The following OTOA variants were observed in gnomAD, a reference collection of about 807,000 sequenced individuals.
The protein encoded by OTOA is cancer/testis antigen 108.
OTOA carries 70 observed loss-of-function variants against 110.8 expected under a neutral mutation model. That is an observed-to-expected ratio of 0.63 (90% CI 0.52 to 0.77). The LOEUF is 0.77. Ranked by LOEUF, OTOA falls within the 30% of genes least tolerant of loss-of-function variation. The pLI is 0.00. For synonymous variants in OTOA, 373 were observed against 431.5 expected (o/e 0.86, Z 1.68); for missense variants, 917 against 1,075.8 (o/e 0.85, Z 2.06).
At chr16:21,679,919 C>T (rs1003604395) in intron 5 of OTOA, among the ~76,000 whole-genome samples, 9 of 152,118 alleles carry the variant, frequency 5.9e-5, no homozygotes, top group African/African-American at 1.4e-4. Flanking sequence ...ATTCCCTTTA[C>T]TGTTGCATTA....
chr16:21,712,885 G>A (rs1438689750), intron 13 of OTOA, among the ~76,000 whole-genome samples: 4 of 152,120 alleles, frequency 2.6e-5, no homozygotes, highest in Non-Finnish European at 4.4e-5. Flanking sequence ...GGCGGTAAAG[G>A]GGTTTAAGAG....
At chr16:21,676,015 C>T (rs1049677970) in intron 1 of OTOA, among the ~76,000 whole-genome samples, 6 of 152,194 alleles carry the variant, frequency 3.9e-5, no homozygotes, top group African/African-American at 1.4e-4. Context: ...GCAGCCTCAA[C>T]TTTCCAGGCT....
chr16:21,707,849 C>CGGT (rs1424254262), intron 12 of OTOA, among the ~76,000 whole-genome samples: 2 of 137,602 alleles, frequency 1.5e-5, no homozygotes, highest in African/African-American at 5.4e-5. Flanking sequence ...GGCTGGAGTG[C>CGGT]GGTAGCACGA....
chr16:21,693,730 C>A (rs1487797138), intron 9 of OTOA, among the ~76,000 whole-genome samples: 1 of 152,062 alleles, frequency 6.6e-6, no homozygotes, highest in African/African-American at 2.4e-5. Flanking sequence ...TGCCTGCCAC[C>A]ATGTCCAGCT....
chr16:21,667,645 G>A (rs1361805551), intron 1 of OTOA, among the ~76,000 whole-genome samples: 1 of 151,734 alleles, frequency 6.6e-6, no homozygotes. Flanking sequence ...TAAAAGAAGG[G>A]CTGGCAAGCT....
chr16:21,680,276 G>A (rs959002544), intron 5 of OTOA, among the ~76,000 whole-genome samples: 1 of 152,086 alleles, frequency 6.6e-6, no homozygotes, highest in Non-Finnish European at 1.5e-5. Context: ...GACTTTGAGA[G>A]GCCAAGGTGG....
chr16:21,700,810 T>A, intron 10 of OTOA, 78 bp from the exon 11 acceptor site: 1 of 1,566,476 alleles, frequency 6.4e-7, no homozygotes, highest in Non-Finnish European at 8.8e-7. Flanking sequence ...TGGGGCACAG[T>A]GCAGACCACC....
At chr16:21,758,158 C>T (rs2141768969) in intron 28 of OTOA, among the ~76,000 whole-genome samples, 1 of 151,976 alleles carries the variant, frequency 6.6e-6, no homozygotes, top group South Asian at 2.1e-4. Flanking sequence ...TCCTTTTTCT[C>T]CCCCATGCCT....
At chr16:21,664,580 C>G (rs150499803) in intron 1 of OTOA, among the ~76,000 whole-genome samples, 2 of 152,046 alleles carry the variant, frequency 1.3e-5, no homozygotes, top group Non-Finnish European at 2.9e-5. Context: ...ATAATAGCTA[C>G]GATTCATTGC....
chr16:21,682,316 G>C (rs1453100695), intron 6 of OTOA, among the ~76,000 whole-genome samples: 1 of 152,214 alleles, frequency 6.6e-6, no homozygotes, highest in Non-Finnish European at 1.5e-5. Flanking sequence ...CTTCTCTTCT[G>C]AGGATATGAC....
Position 21,681,745 on chromosome 16 carries a change from G to C in OTOA, c.187G>C (p.Val63Leu). 6.2e-7 allele frequency: 1 copy of C among 1,613,650 alleles called. No individual in the cohort carries two copies. The highest frequency in any genetic ancestry group is 1.1e-5 in the South Asian group (1 of 91,072). Residue 63 changes from valine to leucine, a missense_variant, in exon 6 of 29, where the codon GTG becomes CTG. Transcript: ENST00000646100. ...GTCTGTCTTCAACTGAAGCTCCCAC[G>C]TGTGGACGGATGACCTGTCCCACAG... is the stretch of plus-strand genomic sequence containing the variant. ...LDLIQFQSSH[V>L]WTDDLSHRVL... is the part of the protein sequence containing the mutation.
At chr16:21,676,598 G>T (rs1033225886) in intron 1 of OTOA, among the ~76,000 whole-genome samples, 1 of 152,172 alleles carries the variant, frequency 6.6e-6, no homozygotes, top group Non-Finnish European at 1.5e-5. Flanking sequence ...GCCTACTGGT[G>T]GTTCATTCTC....
At chr16:21,717,873 C>A (rs1318135381) in intron 15 of OTOA, among the ~76,000 whole-genome samples, 1 of 152,198 alleles carries the variant, frequency 6.6e-6, no homozygotes, top group African/African-American at 2.4e-5. Context: ...CAGGGTCTCT[C>A]ATGAGGCTGG....
At position 21,680,445 on chromosome 16, in the gene OTOA, C is replaced by G. The variant is rs1966879962; in HGVS notation, c.179+1234C>G. Among the ~76,000 whole-genome samples the G allele has an allele frequency of 2.0e-5, 3 of 152,088 alleles. No homozygotes were observed. In the South Asian group the frequency reaches 6.2e-4, roughly 32 times the overall value. ...AGGAGGATCACTTGAACGCGGGAGGCTGAGGTTGTGATAAGCCAAGATTGA... is the reference window on the plus strand; with the variant it reads ...AGGAGGATCACTTGAACGCGGGAGGGTGAGGTTGTGATAAGCCAAGATTGA... On this transcript the variant is annotated intron_variant, in intron 5 of 28. Transcript: ENST00000646100.
At position 21,705,271 on chromosome 16, in the gene OTOA, C is replaced by T. The variant is rs369540822; in HGVS notation, c.1083C>T (p.Gly361=). 6.2e-7 allele frequency: 1 copy of T among 1,614,026 alleles called. No homozygotes were observed. The change falls in exon 12 of 29, where the codon GGC becomes GGT. Residue 361 remains glycine, a synonymous_variant. Coordinates refer to ENST00000646100, the MANE Select transcript of OTOA (RefSeq NM_144672.4). ...TGATCAAGTGCAGCCACCTGAGGGG[C>T]TTCCAGGCTGGCGTCCAGAAGGTAC... ...YQMIKCSHLR[G]FQAGVQKLKA... is the part of the protein sequence containing the mutation.
At chr16:21,670,486 C>T (rs1286332289) in intron 1 of OTOA, among the ~76,000 whole-genome samples, 1 of 152,080 alleles carries the variant, frequency 6.6e-6, no homozygotes, top group Non-Finnish European at 1.5e-5. Flanking sequence ...TATAATAGTA[C>T]CTGCTCCTTC....
chr16:21,722,212 A>C (rs1898771290), intron 17 of OTOA, among the ~76,000 whole-genome samples: 1 of 149,582 alleles, frequency 6.7e-6, no homozygotes, highest in Non-Finnish European at 1.5e-5. Context: ...CAGTGAGCTG[A>C]GATTACACCA....
At chr16:21,692,339 A>T (rs572564898) in intron 9 of OTOA, among the ~76,000 whole-genome samples, 1 of 152,030 alleles carries the variant, frequency 6.6e-6, no homozygotes, top group Non-Finnish European at 1.5e-5. Flanking sequence ...AAAAAAAAAA[A>T]AGAGAGAGAG....
At chr16:21,749,558 A>G (rs1464759104) in intron 24 of OTOA, among the ~76,000 whole-genome samples, 1 of 147,808 alleles carries the variant, frequency 6.8e-6, no homozygotes, top group Non-Finnish European at 1.5e-5. Flanking sequence ...AAGCAAAGAG[A>G]GTTGGGAAGA....
Sources: gnomAD v4.1 joint callset for allele counts (sites outside exome capture counted in the v4.1 genomes callset) on GRCh38, gnomAD v4.1.1 for gene constraint, MANE v1.5 for transcripts, NCBI Gene and HGNC (gene_info 2026-07-23, HGNC 2026-07-21) for gene names.